EFCAB5: variants seen among roughly 807,000 people sequenced by gnomAD.
EFCAB5 encodes the protein EF-hand calcium-binding domain-containing protein 5.
A neutral mutation model predicts 167.9 loss-of-function variants in EFCAB5; 131 were observed. The observed-to-expected ratio is 0.78, with a 90% CI of 0.68 to 0.90. The LOEUF (loss-of-function observed/expected upper bound fraction) is 0.90, where lower values mean the gene tolerates loss of function less well. Among genes scored for constraint, EFCAB5 ranks in the 40% least tolerant of loss-of-function variants. The probability of loss-of-function intolerance (pLI) is 0.00; values close to 1 mark genes in which losing one functional copy is unlikely to be tolerated. For missense variants in EFCAB5, 1,663 were observed against 1,745.2 expected, an observed-to-expected ratio of 0.95 and a Z score of 0.84; for synonymous variants, 574 against 602.8, an observed-to-expected ratio of 0.95 and a Z score of 0.70.
At chr17:30,072,825 A>G (rs1223931902) in intron 14 of EFCAB5, among the ~76,000 whole-genome samples, 1 of 152,172 alleles carries the variant, frequency 6.6e-6, no homozygotes, top group African/African-American at 2.4e-5. Context: ...TTTGTAATTA[A>G]TAAGTATTTA....
intron 14 of EFCAB5, among the ~76,000 whole-genome samples, chr17:30,060,389 T>G (rs966867623): frequency 2.0e-5 from 3 of 152,224 alleles, no homozygotes; most frequent in Non-Finnish European, 4.4e-5. Flanking sequence ...TATATTTTTC[T>G]CTTATGACCA....
At chr17:30,017,945 A>C (rs2069087019) in intron 7 of EFCAB5, among the ~76,000 whole-genome samples, 1 of 152,126 alleles carries the variant, frequency 6.6e-6, no homozygotes, top group Non-Finnish European at 1.5e-5. Flanking sequence ...TGCTATTCCC[A>C]AATTATTTAT....
chr17:30,006,363 G>A (rs71371143), intron 7 of EFCAB5, among the ~76,000 whole-genome samples: 1 of 152,020 alleles, frequency 6.6e-6, no homozygotes, highest in Non-Finnish European at 1.5e-5. Flanking sequence ...CCCATGCTTA[G>A]AAGATTCTCT....
chr17:29,935,340 C>T (rs1241803245), intron 1 of EFCAB5, among the ~76,000 whole-genome samples: 2 of 152,102 alleles, frequency 1.3e-5, no homozygotes, highest in Non-Finnish European at 2.9e-5. Context: ...AGGAGGATTG[C>T]ATAAGGCTAG....
chr17:29,958,543 C>G (rs937808625), intron 3 of EFCAB5, among the ~76,000 whole-genome samples: 5 of 152,190 alleles, frequency 3.3e-5, no homozygotes, highest in African/African-American at 1.2e-4. Flanking sequence ...TGAATTCCTT[C>G]TCTGTGCTAT....
intron 18 of EFCAB5, among the ~76,000 whole-genome samples, chr17:30,086,556 G>A (rs2071091783): frequency 6.6e-6 from 1 of 151,704 alleles, no homozygotes; most frequent in Admixed American, 6.6e-5. Flanking sequence ...GACCAGCCTG[G>A]CCAACATGGT....
At chr17:30,011,096 C>A (rs1423265178) in intron 7 of EFCAB5, among the ~76,000 whole-genome samples, 2 of 152,166 alleles carry the variant, frequency 1.3e-5, no homozygotes, top group Non-Finnish European at 2.9e-5. Context: ...TGTCAAAGAT[C>A]AGATGGCTGT....
At chr17:29,967,697 T>G (rs1335429505) in intron 3 of EFCAB5, among the ~76,000 whole-genome samples, 1 of 152,184 alleles carries the variant, frequency 6.6e-6, no homozygotes, top group Non-Finnish European at 1.5e-5. Context: ...CAACTTTTCC[T>G]GTCATTGCTA....
At chr17:30,066,436 G>C (rs1348421881) in intron 14 of EFCAB5, among the ~76,000 whole-genome samples, 1 of 151,402 alleles carries the variant, frequency 6.6e-6, no homozygotes, top group Non-Finnish European at 1.5e-5. Context: ...TTCTTCTACT[G>C]AGGTCCTATG....
At chr17:30,061,235 T>G (rs1250227841) in intron 14 of EFCAB5, among the ~76,000 whole-genome samples, 2 of 152,198 alleles carry the variant, frequency 1.3e-5, no homozygotes, top group Non-Finnish European at 2.9e-5. Flanking sequence ...ACAAAACGAC[T>G]CTCAATAAAC....
chr17:30,099,336 C>G (rs2071349074), intron 22 of EFCAB5, among the ~76,000 whole-genome samples: 1 of 152,076 alleles, frequency 6.6e-6, no homozygotes, highest in South Asian at 2.1e-4. Flanking sequence ...GTAGTTCCAG[C>G]TACTCAAGAA....
intron 22 of EFCAB5, among the ~76,000 whole-genome samples, chr17:30,099,368 A>C (rs2071349620): frequency 6.6e-6 from 1 of 152,138 alleles, no homozygotes; most frequent in Admixed American, 6.6e-5. Flanking sequence ...TTAAGGCTGC[A>C]GTGGGCCATG....
intron 22 of EFCAB5, among the ~76,000 whole-genome samples, chr17:30,093,410 C>T (rs1056966497): frequency 9.2e-5 from 14 of 152,212 alleles, no homozygotes; most frequent in South Asian, 2.1e-4. Context: ...AGGTCCTCCA[C>T]TGACCTGTAT....
intron 22 of EFCAB5, among the ~76,000 whole-genome samples, chr17:30,093,952 C>G (rs1243562604): frequency 2.0e-5 from 3 of 152,136 alleles, no homozygotes; most frequent in Non-Finnish European, 4.4e-5. Context: ...GGAGAGGAGT[C>G]TTCAGGCAGG....
chr17:29,940,080 CT>C (rs35491131), upstream of EFCAB5, among the ~76,000 whole-genome samples: 78,397 of 143,752 alleles, frequency 0.55, 20,989 homozygotes, highest in East Asian at 0.67. Flanking sequence ...ACTGGGAACT[CT>C]TTTTTTTTTT....
At chr17:30,060,367 C>A (rs1391840103) in intron 14 of EFCAB5, among the ~76,000 whole-genome samples, 2 of 151,996 alleles carry the variant, frequency 1.3e-5, no homozygotes, top group African/African-American at 2.4e-5. Flanking sequence ...TCCTTAGTGA[C>A]TTTTTGTGTA....
At chr17:29,947,288 A>G (rs1597563932) in intron 3 of EFCAB5, among the ~76,000 whole-genome samples, 1 of 152,316 alleles carries the variant, frequency 6.6e-6, no homozygotes, top group Non-Finnish European at 1.5e-5. Context: ...GCTGAAGGCC[A>G]TTATTCTAAG....
chr17:30,023,383 T>C (rs1461902412), intron 7 of EFCAB5, among the ~76,000 whole-genome samples: 1 of 151,926 alleles, frequency 6.6e-6, no homozygotes, highest in Non-Finnish European at 1.5e-5. Context: ...CAAACTACCA[T>C]CAGAGAATAC....
At chr17:30,080,034 C>T in intron 15 of EFCAB5, 38 bp from the exon 16 acceptor site, 1 of 1,572,250 alleles carries the variant, frequency 6.4e-7, no homozygotes, top group Middle Eastern at 1.7e-4. Flanking sequence ...AGTTCTTTGG[C>T]TGTTGGCAAA....
Sources: gnomAD v4.1 joint callset for allele counts (sites outside exome capture counted in the v4.1 genomes callset) on GRCh38, gnomAD v4.1.1 for gene constraint, MANE v1.5 for transcripts, NCBI Gene and HGNC (gene_info 2026-07-23, HGNC 2026-07-21) for gene names.